Variants in ZNF600 observed in about 807,000 individuals in gnomAD.
The protein encoded by ZNF600 is zinc finger protein KR-ZNF1.
Under a neutral mutation model 7.3 loss-of-function variants are expected in ZNF600, and 4 were observed. That is an observed-to-expected ratio of 0.55 (90% CI 0.27 to 1.25). ZNF600 has a LOEUF of 1.25. ZNF600 is among the 50% of genes most tolerant of loss of function. ZNF600 has a pLI of 0.12. For synonymous variants in ZNF600, 290 were observed against 308.9 expected (o/e 0.94, Z 0.64); for missense variants, 911 against 922.1 (o/e 0.99, Z 0.16).
At chr19:52,820,427 C>T in the ZNF600 span, among the ~76,000 whole-genome samples, 1 of 149,872 alleles carries the variant, frequency 6.7e-6, no homozygotes, top group East Asian at 1.9e-4. Context: ...CTTATTTAAC[C>T]TCTTGTTGGT....
At chr19:52,801,685 T>A in the ZNF600 span, 14 of 1,611,490 alleles carry the variant, frequency 8.7e-6, no homozygotes, top group Admixed American at 8.4e-5. Context: ...GTCTTCATCA[T>A]GCATTTGGAA....
intron 1 of ZNF600, among the ~76,000 whole-genome samples, chr19:52,785,629 C>T (rs1196968857): frequency 1.3e-5 from 2 of 152,108 alleles, no homozygotes; most frequent in Non-Finnish European, 2.9e-5. Context: ...CTTCTCTTAT[C>T]TCTCCGTCTC....
At chr19:52,773,847 T>G (rs61449276) in intron 3 of ZNF600, among the ~76,000 whole-genome samples, 151,845 of 151,846 alleles carry the variant, frequency 1, 75,922 homozygotes, top group Non-Finnish European at 1. Flanking sequence ...CTCCAGCCTG[T>G]GTGACAGAGC....
chr19:52,769,725 G>C (rs2062617409), intron 3 of ZNF600, among the ~76,000 whole-genome samples: 1 of 151,996 alleles, frequency 6.6e-6, no homozygotes, highest in South Asian at 2.1e-4. Context: ...GACCCTGTGG[G>C]GCTGGTCCCT....
At chr19:52,785,669 CCT>C (rs1341580139) in intron 1 of ZNF600, among the ~76,000 whole-genome samples, 1 of 152,046 alleles carries the variant, frequency 6.6e-6, no homozygotes, top group Non-Finnish European at 1.5e-5. Context: ...TTCTCTCTTC[CCT>C]GTTATACCCC....
intron 3 of ZNF600, among the ~76,000 whole-genome samples, chr19:52,771,127 C>G (rs1461023338): frequency 1.3e-5 from 2 of 152,126 alleles, no homozygotes; most frequent in African/African-American, 4.8e-5. Flanking sequence ...GCCACCACGA[C>G]TGGCCAGGAC....
chr19:52,776,942 C>G (rs2062680337), intron 2 of ZNF600, among the ~76,000 whole-genome samples: 1 of 152,014 alleles, frequency 6.6e-6, no homozygotes. Flanking sequence ...TACAGTGAAA[C>G]AAAATCACCC....
At chr19:52,769,595 C>G (rs1741194210) in intron 3 of ZNF600, among the ~76,000 whole-genome samples, 1 of 152,126 alleles carries the variant, frequency 6.6e-6, no homozygotes, top group Non-Finnish European at 1.5e-5. Context: ...GGGCCACTAC[C>G]CATCTCTGCA....
At chr19:52,787,401 C>CTTT (rs1167453014), upstream of ZNF600, among the ~76,000 whole-genome samples, 68 of 114,820 alleles carry the variant, frequency 5.9e-4, no homozygotes, top group South Asian at 8.7e-4. Flanking sequence ...CGCTCTTTTA[C>CTTT]TTTTTTTTTT....
the ZNF600 span, chr19:52,798,413 C>T: frequency 1.2e-5 from 5 of 401,044 alleles, no homozygotes; most frequent in African/African-American, 4.2e-5. Context: ...TGCTTGATGG[C>T]TTGCTATACT....
the ZNF600 span, among the ~76,000 whole-genome samples, chr19:52,792,658 G>C: frequency 0.086 from 13,132 of 152,200 alleles, 956 homozygotes; most frequent in South Asian, 0.19. Context: ...TTTGTTTAAA[G>C]TTGTCCCGCC....
the ZNF600 span, chr19:52,821,691 G>GA: frequency 6.6e-6 from 1 of 152,174 alleles, no homozygotes; most frequent in Non-Finnish European, 1.5e-5. Context: ...ACGAGGAGGC[G>GA]AGCGGGGCCC....
the ZNF600 span, among the ~76,000 whole-genome samples, chr19:52,828,552 A>G: frequency 6.6e-6 from 1 of 152,206 alleles, no homozygotes; most frequent in Non-Finnish European, 1.5e-5. Context: ...CAGGCCATAC[A>G]GCAATTCTAT....
chr19:52,799,095 C>T, the ZNF600 span: 3 of 424,666 alleles, frequency 7.1e-6, no homozygotes, highest in South Asian at 4.5e-5. Flanking sequence ...ACAGTCTTCA[C>T]ATTTGTAAGA....
intron 3 of ZNF600, among the ~76,000 whole-genome samples, chr19:52,770,909 C>T (rs1245929828): frequency 6.6e-6 from 1 of 152,022 alleles, no homozygotes; most frequent in African/African-American, 2.4e-5. Flanking sequence ...TCTAGGTTCA[C>T]CACAGTCTCT....
the ZNF600 span, chr19:52,809,824 G>C: frequency 1.9e-6 from 1 of 530,310 alleles, no homozygotes; most frequent in South Asian, 2.4e-5. Context: ...AGCGGCGAAG[G>C]CGGCGGCGGC....
At chr19:52,801,263 A>G in the ZNF600 span, 3 of 1,613,976 alleles carry the variant, frequency 1.9e-6, no homozygotes, top group African/African-American at 4.0e-5. Context: ...GGAGGGAATT[A>G]TTTCCATACT....
the ZNF600 span, chr19:52,799,959 T>G: frequency 2.5e-6 from 4 of 1,613,184 alleles, no homozygotes; most frequent in Non-Finnish European, 3.4e-6. Context: ...CTCTCCAGTA[T>G]GAAGCCTACG....
At chr19:52,810,380 T>G in the ZNF600 span, 1 of 1,605,008 alleles carries the variant, frequency 6.2e-7, no homozygotes, top group Non-Finnish European at 8.5e-7. Flanking sequence ...ATGGCTGTGG[T>G]TCAGTCAACC....
Sources: gnomAD v4.1 joint callset for allele counts (sites outside exome capture counted in the v4.1 genomes callset) on GRCh38, gnomAD v4.1.1 for gene constraint, MANE v1.5 for transcripts, NCBI Gene and HGNC (gene_info 2026-07-23, HGNC 2026-07-21) for gene names.